Variants in MIS18BP1 observed in about 807,000 individuals in gnomAD.
MIS18BP1 encodes MIS18 binding protein 1.
A neutral mutation model predicts 116.1 loss-of-function variants in MIS18BP1; 72 were observed. The observed-to-expected ratio is 0.62, with a 90% CI of 0.51 to 0.75. The LOEUF is 0.75. Ranked by LOEUF, MIS18BP1 falls within the 30% of genes least tolerant of loss-of-function variation. MIS18BP1 has a pLI of 0.00. For synonymous variants in MIS18BP1, 386 were observed against 427.0 expected, an observed-to-expected ratio of 0.90 and a Z score of 1.18; for missense variants, 1,363 against 1,303.2, an observed-to-expected ratio of 1.05 and a Z score of -0.71.
intron 4 of MIS18BP1, 73 bp downstream of exon 4, chr14:45,241,960 GA>G: frequency 6.9e-7 from 1 of 1,449,232 alleles, no homozygotes; most frequent in Non-Finnish European, 9.3e-7. Flanking sequence ...AATAATGAGA[GA>G]ACATTAAAAG....
chr14:45,238,536 A>T (rs1402554552), intron 4 of MIS18BP1, among the ~76,000 whole-genome samples: 1 of 152,232 alleles, frequency 6.6e-6, no homozygotes, highest in Non-Finnish European at 1.5e-5. Flanking sequence ...CATTTAAAAA[A>T]TTATAGGTGA....
rs1001158027 is a variant in MIS18BP1 at position 45,207,397 on chromosome 14, T to A, written c.3153-1227A>T. On this transcript the variant is annotated intron_variant, in intron 14 of 16. Transcript: ENST00000310806. ...TTGCTTAACAAATGAACAGGTGTGA[T>A]CCCAGCACTTTGGGAGGCTGAGGCT... is the stretch of plus-strand genomic sequence containing the variant. 6.2e-4 allele frequency among the ~76,000 whole-genome samples: 94 copies of A among 152,346 alleles called. 1 individual carries two copies. The highest frequency in any genetic ancestry group is 2.2e-3 in the African/African-American group (92 of 41,576).
In MIS18BP1 at chr14:45,226,775, G is replaced by T. The variant is rs144591732; in HGVS notation, c.1808C>A (p.Thr603Lys). Reference protein sequence around the residue: ...SSKKLKIGERTNERIIKSQKQ... With the variant: ...SSKKLKIGERKNERIIKSQKQ... ...CTGACTTTTTATTATCCTTTCATTT[G>T]TTCTTTCACCAATTTTTAGTTTCTT... Residue 603 changes from threonine (T) to lysine (K), a missense_variant, in exon 10 of 17, where the codon ACA becomes AAA. Transcript: ENST00000310806. 1.2e-3 allele frequency: 1,670 copies of T among 1,407,902 alleles called. 19 individuals are homozygous for T. In the South Asian group the frequency reaches 0.016, roughly 13 times the overall value. 87.2% of individuals were successfully genotyped at this position (1,407,902 alleles called of 1,614,324 possible).
chr14:45,206,274 CTAAAT>C lies in MIS18BP1; in HGVS notation c.3153-109_3153-105del. 4.1e-6 allele frequency: 3 copies of C among 734,450 alleles called. No homozygotes were observed. The South Asian group carries it at 5.6e-5, about 14-fold the overall frequency. The allele number at this position is 734,450 out of a possible 1,614,324, so 45.5% of individuals were successfully genotyped here. A position where few individuals can be genotyped will look rare whatever the true frequency, so the allele number is the denominator to read the frequency against. Reference sequence around the variant, plus strand: ...TAACCACAGGTTGAACAACAATTGCCTAAATTAATTTCAAATGTATTTCTTTTTTT... The same window carrying C: ...TAACCACAGGTTGAACAACAATTGCCTAATTTCAAATGTATTTCTTTTTTT... On this transcript the variant is annotated intron_variant, in intron 14 of 16. Coordinates refer to ENST00000310806, the MANE Select transcript of MIS18BP1 (RefSeq NM_018353.5).
intron 6 of MIS18BP1, 113 bp from the exon 7 acceptor site, chr14:45,232,933 A>G: frequency 1.7e-6 from 1 of 602,536 alleles, no homozygotes. Context: ...AATATGTGCC[A>G]GGTACTATTA....
intron 1 of MIS18BP1, among the ~76,000 whole-genome samples, chr14:45,251,481 T>C (rs181826689): frequency 1.1e-4 from 17 of 152,226 alleles, no homozygotes; most frequent in African/African-American, 3.1e-4. Context: ...CCAAAAAACA[T>C]GGAAAGTTCT....
intron 13 of MIS18BP1, among the ~76,000 whole-genome samples, chr14:45,211,884 A>C (rs1890683143): frequency 6.6e-6 from 1 of 152,206 alleles, no homozygotes; most frequent in African/African-American, 2.4e-5. Flanking sequence ...TGCTGCTTCC[A>C]AAGCTTCACT....
intron 14 of MIS18BP1, among the ~76,000 whole-genome samples, chr14:45,207,820 C>T (rs1362998750): frequency 1.3e-5 from 2 of 152,092 alleles, no homozygotes; most frequent in African/African-American, 4.8e-5. Context: ...CTAGTAAAGT[C>T]AGAGAGAGTG....
At chr14:45,213,326 C>T (rs775681999) in intron 13 of MIS18BP1, among the ~76,000 whole-genome samples, 5 of 152,172 alleles carry the variant, frequency 3.3e-5, no homozygotes, top group Admixed American at 6.5e-5. Flanking sequence ...CTCTCCCTGA[C>T]AGAAGATAAA....
chr14:45,228,408 T>C (rs1019998055), intron 8 of MIS18BP1, among the ~76,000 whole-genome samples: 4 of 152,224 alleles, frequency 2.6e-5, no homozygotes, highest in African/African-American at 9.6e-5. Flanking sequence ...ATCCATTTTG[T>C]AAATAAAAAT....
At position 45,203,895 on chromosome 14, in the gene MIS18BP1, G is replaced by A; in HGVS notation, c.*214C>T. ...TTTAATATGCAAAAACAAATTTACA[G>A]ATATCTACACGAGCAAAAACAATTT... On this transcript the variant is annotated 3_prime_UTR_variant, in exon 17 of 17. Coordinates refer to ENST00000310806, the MANE Select transcript of MIS18BP1 (RefSeq NM_018353.5). The A allele has an allele frequency of 2.7e-6, 1 of 376,834 alleles. No individual in the cohort carries two copies. Among genetic ancestry groups the A allele is most frequent in the Non-Finnish European group, 4.3e-6 (1 of 231,476 alleles). The allele number at this position is 376,834 out of a possible 1,614,324, so 23.3% of individuals were successfully genotyped here. A position where few individuals can be genotyped will look rare whatever the true frequency, so the allele number is the denominator to read the frequency against.
chr14:45,207,413 G>C (rs1890547172), intron 14 of MIS18BP1, among the ~76,000 whole-genome samples: 1 of 152,230 alleles, frequency 6.6e-6, no homozygotes, highest in South Asian at 2.1e-4. Context: ...CACTTTGGGA[G>C]GCTGAGGCTG....
In MIS18BP1 at chr14:45,218,358, G is replaced by A; in HGVS notation, c.2766C>T (p.Tyr922=). The A allele has an allele frequency of 3.1e-6, 5 of 1,614,006 alleles. No individual in the cohort carries two copies. Among genetic ancestry groups the A allele is most frequent in the Non-Finnish European group, 4.2e-6 (5 of 1,179,978 alleles). The change falls in exon 12 of 17, where the codon TAC becomes TAT. Residue 922 remains tyrosine (Y), a synonymous_variant. Transcript: ENST00000310806. ...ATCCTTTTCCTCTGGGATTTTCCATGTATTTCCTCTGGCATTCTTCAGGAG... is the reference window on the plus strand; with the variant it reads ...ATCCTTTTCCTCTGGGATTTTCCATATATTTCCTCTGGCATTCTTCAGGAG... ...SRSPEECQRK[Y]MENPRGKGSQ...
chr14:45,251,196 T>C (rs1891864947), intron 1 of MIS18BP1, among the ~76,000 whole-genome samples: 1 of 152,198 alleles, frequency 6.6e-6, no homozygotes, highest in African/African-American at 2.4e-5. Flanking sequence ...TATTTTGGTA[T>C]GTTTAGATAC....
In MIS18BP1 at chr14:45,253,198, C is replaced by T. The variant is rs1891932124; in HGVS notation, c.-255G>A. 1 of 152,320 alleles carries T rather than the reference C, an allele frequency of 6.6e-6. No homozygotes were observed. The highest frequency in any genetic ancestry group is 1.5e-5 in the Non-Finnish European group (1 of 68,104). The allele number at this position is 152,320 out of a possible 1,614,324, so 9.4% of individuals were successfully genotyped here. Reference sequence around the variant, plus strand: ...TTACCTCCTCCGCGACGTTCTCTAACACACAAAACACTTCCGCAATTCAAA... The same window carrying T: ...TTACCTCCTCCGCGACGTTCTCTAATACACAAAACACTTCCGCAATTCAAA... On this transcript the variant is annotated 5_prime_UTR_variant, in exon 1 of 17. Transcript: ENST00000310806.
intron 1 of MIS18BP1, among the ~76,000 whole-genome samples, chr14:45,251,616 G>A (rs1891876373): frequency 6.6e-6 from 1 of 151,882 alleles, no homozygotes. Context: ...AAGTTAACAG[G>A]CAAATGATAC....
intron 1 of MIS18BP1, among the ~76,000 whole-genome samples, chr14:45,249,441 A>C (rs770859932): frequency 4.0e-5 from 6 of 151,828 alleles, no homozygotes; most frequent in Non-Finnish European, 7.4e-5. Flanking sequence ...GGTTAGTCTC[A>C]AACTCCTGGG....
At chr14:45,249,901 TG>T (rs1326890976) in intron 1 of MIS18BP1, 26 of 152,156 alleles carry the variant, frequency 1.7e-4, no homozygotes, top group Admixed American at 1.4e-3. Context: ...AAAAATAAAC[TG>T]GAAGACTGCA....
At chr14:45,237,842 C>A in intron 4 of MIS18BP1, 121 bp from the exon 5 acceptor site, 2 of 1,308,742 alleles carry the variant, frequency 1.5e-6, no homozygotes, top group Non-Finnish European at 1.0e-6. Context: ...TTAGTGTCAT[C>A]GATGTAAGAT....
Sources: gnomAD v4.1 joint callset for allele counts (sites outside exome capture counted in the v4.1 genomes callset) on GRCh38, gnomAD v4.1.1 for gene constraint, MANE v1.5 for transcripts, NCBI Gene and HGNC (gene_info 2026-07-23, HGNC 2026-07-21) for gene names.